XKR4: variants seen among roughly 807,000 people sequenced by gnomAD.
XKR4 encodes XK related 4.
XKR4 carries 12 observed loss-of-function variants against 53.9 expected under a neutral mutation model. The ratio of observed to expected loss-of-function variants is 0.22; its 90% confidence interval spans 0.14 to 0.36. The LOEUF (loss-of-function observed/expected upper bound fraction) is 0.36, where lower values mean the gene tolerates loss of function less well. XKR4 is among the 10% of genes least tolerant of loss of function. XKR4 has a pLI of 1.00. For synonymous variants in XKR4, 354 were observed against 362.4 expected, an observed-to-expected ratio of 0.98 and a Z score of 0.26; for missense variants, 799 against 859.5, an observed-to-expected ratio of 0.93 and a Z score of 0.88.
intron 1 of XKR4, among the ~76,000 whole-genome samples, chr8:55,181,616 T>C (rs1162863526): frequency 1.3e-5 from 2 of 152,172 alleles, no homozygotes; most frequent in Non-Finnish European, 2.9e-5. Context: ...GCATGAAGGT[T>C]GAGGCAGTAA....
At chr8:55,283,909 G>T (rs1818872676) in intron 1 of XKR4, among the ~76,000 whole-genome samples, 1 of 152,066 alleles carries the variant, frequency 6.6e-6, no homozygotes, top group African/African-American at 2.4e-5. Flanking sequence ...ATTGCCCTTT[G>T]GTAAGTTTTT....
At chr8:55,434,039 A>G (rs532739080) in intron 2 of XKR4, among the ~76,000 whole-genome samples, 2 of 152,308 alleles carry the variant, frequency 1.3e-5, no homozygotes, top group East Asian at 3.9e-4. Flanking sequence ...GTCTCAAAAA[A>G]TAAATAAATA....
chr8:55,166,269 A>G (rs1417005944), intron 1 of XKR4, among the ~76,000 whole-genome samples: 1 of 152,246 alleles, frequency 6.6e-6, no homozygotes, highest in Non-Finnish European at 1.5e-5. Context: ...CGACTCTGAT[A>G]ATCCTGAGGG....
intron 2 of XKR4, among the ~76,000 whole-genome samples, chr8:55,482,723 C>A (rs1452096870): frequency 6.6e-6 from 1 of 151,978 alleles, no homozygotes; most frequent in South Asian, 2.1e-4. Flanking sequence ...AATATACACT[C>A]AAAGGGTTAT....
At chr8:55,118,215 C>T (rs1443720173) in intron 1 of XKR4, among the ~76,000 whole-genome samples, 1 of 152,118 alleles carries the variant, frequency 6.6e-6, no homozygotes, top group Non-Finnish European at 1.5e-5. Context: ...CATTTGATAC[C>T]TACTGGTAAA....
chr8:55,465,922 C>A (rs1229105773), intron 2 of XKR4, among the ~76,000 whole-genome samples: 2 of 152,020 alleles, frequency 1.3e-5, no homozygotes, highest in Non-Finnish European at 2.9e-5. Flanking sequence ...AAATGCAAAT[C>A]AAAACCACAA....
At chr8:55,240,511 C>T (rs1818196828) in intron 1 of XKR4, among the ~76,000 whole-genome samples, 1 of 152,116 alleles carries the variant, frequency 6.6e-6, no homozygotes, top group Non-Finnish European at 1.5e-5. Context: ...GCTCAAGAGC[C>T]AGAGAGAACA....
chr8:55,161,083 C>G (rs1445196587), intron 1 of XKR4, among the ~76,000 whole-genome samples: 1 of 152,130 alleles, frequency 6.6e-6, no homozygotes, highest in African/African-American at 2.4e-5. Context: ...TGGTGGTTAT[C>G]TCTTCCATTG....
In XKR4 at chr8:55,258,224, C is replaced by T. The variant is rs73682929; in HGVS notation, c.807-99454C>T. Among the ~76,000 whole-genome samples, 1,069 of 152,252 alleles carry T rather than the reference C, an allele frequency of 7.0e-3. 16 individuals are homozygous for T. Among genetic ancestry groups the T allele is most frequent in the African/African-American group, 0.024 (979 of 41,506 alleles). ...AAAGCAGTGTCTTCCCGAGGGAAAG[C>T]GACAGACAGGTTTTACAGAGCAATG... On this transcript the variant is annotated intron_variant, in intron 1 of 2. Coordinates refer to ENST00000327381, the MANE Select transcript of XKR4 (RefSeq NM_052898.2).
chr8:55,193,902 T>C (rs1817474630), intron 1 of XKR4, among the ~76,000 whole-genome samples: 2 of 152,210 alleles, frequency 1.3e-5, no homozygotes, highest in South Asian at 4.1e-4. Context: ...TCTGCCCTCC[T>C]GCCTCATAGC....
chr8:55,359,860 T>C (rs750176182), intron 2 of XKR4, among the ~76,000 whole-genome samples: 1 of 152,176 alleles, frequency 6.6e-6, no homozygotes, highest in Non-Finnish European at 1.5e-5. Context: ...ATCCTAAACA[T>C]AGGAACCAAG....
chr8:55,415,004 A>C (rs887148437), intron 2 of XKR4, among the ~76,000 whole-genome samples: 2 of 152,206 alleles, frequency 1.3e-5, no homozygotes, highest in African/African-American at 4.8e-5. Context: ...CAGGACAGAG[A>C]CCTAGGTGTG....
At chr8:55,422,088 T>C (rs1025443034) in intron 2 of XKR4, among the ~76,000 whole-genome samples, 2 of 152,212 alleles carry the variant, frequency 1.3e-5, no homozygotes, top group Non-Finnish European at 2.9e-5. Flanking sequence ...AAAATATTAG[T>C]GGTTCCATGA....
intron 2 of XKR4, among the ~76,000 whole-genome samples, chr8:55,378,944 T>C (rs889975742): frequency 6.6e-6 from 1 of 152,234 alleles, no homozygotes; most frequent in Admixed American, 6.5e-5. Context: ...GGGGAAATAC[T>C]GTCTTTTCTT....
chr8:55,401,806 A>G (rs545387117), intron 2 of XKR4, among the ~76,000 whole-genome samples: 2 of 152,240 alleles, frequency 1.3e-5, no homozygotes, highest in Non-Finnish European at 2.9e-5. Context: ...GGTTACACCT[A>G]TCAATTATCA....
chr8:55,359,922 C>T (rs892112526), intron 2 of XKR4, among the ~76,000 whole-genome samples: 1 of 152,138 alleles, frequency 6.6e-6, no homozygotes, highest in Non-Finnish European at 1.5e-5. Context: ...TCTAGTGTCC[C>T]CAGCTAACCG....
intron 1 of XKR4, among the ~76,000 whole-genome samples, chr8:55,223,203 A>T (rs1817906526): frequency 6.6e-6 from 1 of 152,204 alleles, no homozygotes; most frequent in East Asian, 1.9e-4. Flanking sequence ...CAACAGTTAA[A>T]TTATAGCCCG....
In XKR4 at chr8:55,103,062, T is replaced by G. The variant is rs1816077560; in HGVS notation, c.574T>G (p.Cys192Gly). The change falls in exon 1 of 3, where the codon TGC (cysteine) becomes GGC (glycine). Residue 192 changes from cysteine to glycine, a missense_variant. This residue lies in a region of XKR4 where 476 missense variants were observed against 505.4 expected (regional missense o/e 0.94). Transcript: ENST00000327381. ...ASSCPQPGAD[C>G]KTVVGGGSAA... ...CAGCTGCCCGCAGCCTGGAGCCGAT[T>G]GCAAGACGGTGGTCGGCGGTGGGTC... is the stretch of plus-strand genomic sequence containing the variant. 1.2e-6 allele frequency: 2 copies of G among 1,612,728 alleles called. No individual in the cohort carries two copies. The highest frequency in any genetic ancestry group is 1.3e-5 in the African/African-American group (1 of 74,908).
chr8:55,464,742 T>G (rs75453903), intron 2 of XKR4, among the ~76,000 whole-genome samples: 62,399 of 142,808 alleles, frequency 0.44, 13,476 homozygotes, highest in East Asian at 0.54. Flanking sequence ...AAACCCCATT[T>G]TCTCAGCCCA....
Sources: gnomAD v4.1 joint callset for allele counts (sites outside exome capture counted in the v4.1 genomes callset) on GRCh38, gnomAD v4.1.1 for gene constraint, gnomAD v4.1.1 regional missense constraint, MANE v1.5 for transcripts, NCBI Gene and HGNC (gene_info 2026-07-23, HGNC 2026-07-21) for gene names.